RBFOX1: variants seen among roughly 807,000 people sequenced by gnomAD.
RBFOX1 encodes the protein RNA binding protein fox-1 homolog 1.
RBFOX1 carries 8 observed loss-of-function variants against 57.7 expected under a neutral mutation model. The observed-to-expected ratio is 0.14, with a 90% CI of 0.08 to 0.25. The LOEUF (loss-of-function observed/expected upper bound fraction) is 0.25. Ranked by LOEUF, RBFOX1 falls within the 10% of genes least tolerant of loss-of-function variation. RBFOX1 has a pLI of 1.00. For synonymous variants in RBFOX1, 326 were observed against 222.4 expected (o/e 1.47, Z -4.15); for missense variants, 611 against 548.5 (o/e 1.11, Z -1.14).
chr16:6,093,008 A>G (rs963303839), intron 1 of RBFOX1: 1 of 152,220 alleles, frequency 6.6e-6, no homozygotes, highest in Non-Finnish European at 1.5e-5. Flanking sequence ...CACCAAAACC[A>G]TGTGAGATGC....
chr16:6,495,958 A>C (rs2095757299), intron 2 of RBFOX1, among the ~76,000 whole-genome samples: 1 of 152,252 alleles, frequency 6.6e-6, no homozygotes, highest in East Asian at 1.9e-4. Context: ...TTATATTTCC[A>C]ACAGGCTTAT....
intron 1 of RBFOX1, among the ~76,000 whole-genome samples, chr16:5,333,587 C>T (rs1405602227): frequency 6.6e-6 from 1 of 152,198 alleles, no homozygotes; most frequent in East Asian, 1.9e-4. Context: ...AGCTTCTCTC[C>T]TGGAGGCAAG....
chr16:6,900,015 G>A (rs2068053600), intron 3 of RBFOX1, among the ~76,000 whole-genome samples: 1 of 152,146 alleles, frequency 6.6e-6, no homozygotes, highest in African/African-American at 2.4e-5. Flanking sequence ...TATAACAGGA[G>A]GATGCTCATA....
chr16:6,954,442 A>G (rs1375855688), intron 3 of RBFOX1, among the ~76,000 whole-genome samples: 1 of 152,184 alleles, frequency 6.6e-6, no homozygotes, highest in Non-Finnish European at 1.5e-5. Context: ...TTACACGACT[A>G]TAAATTGTCA....
At chr16:6,878,058 C>A (rs570371856) in intron 3 of RBFOX1, among the ~76,000 whole-genome samples, 2 of 152,172 alleles carry the variant, frequency 1.3e-5, no homozygotes, top group Non-Finnish European at 2.9e-5. Context: ...GAAAGACACA[C>A]AAGGGTAGGA....
chr16:6,414,676 T>A (rs1279344954), intron 2 of RBFOX1, among the ~76,000 whole-genome samples: 1 of 152,226 alleles, frequency 6.6e-6, no homozygotes, highest in Non-Finnish European at 1.5e-5. Flanking sequence ...GATTGTAGAC[T>A]GTGTGCCAGT....
At chr16:5,427,700 G>A (rs902174451) in intron 1 of RBFOX1, among the ~76,000 whole-genome samples, 7 of 152,194 alleles carry the variant, frequency 4.6e-5, no homozygotes, top group South Asian at 2.1e-4. Flanking sequence ...CTCAAAGGCC[G>A]TCTGCTGTAA....
In RBFOX1 at chr16:7,631,566, T is replaced by C. The variant is rs75405678; in HGVS notation, c.757+883T>C. ...TTTTATACAATGTGTGTAAATCCTG[T>C]GGAGTTGCCGTAACTGCAGAATGAG... On this transcript the variant is annotated intron_variant, in intron 11 of 15. Coordinates refer to ENST00000550418, the MANE Select transcript of RBFOX1 (RefSeq NM_018723.4). Among the ~76,000 whole-genome samples, 652 of 152,240 alleles carry C rather than the reference T, an allele frequency of 4.3e-3. 17 individuals carry two copies. Among genetic ancestry groups the C allele is most frequent in the Admixed American group, 0.033 (503 of 15,288 alleles).
chr16:6,109,891 T>A (rs2096424607), intron 1 of RBFOX1, among the ~76,000 whole-genome samples: 1 of 152,236 alleles, frequency 6.6e-6, no homozygotes, highest in Non-Finnish European at 1.5e-5. Flanking sequence ...GAAATCTTGT[T>A]GAACTGAATC....
rs2095026931 is a variant in RBFOX1, at chr16:6,019,496, C to T, written c.-623C>T. On this transcript the variant is annotated 5_prime_UTR_variant, in exon 1 of 16. Transcript: ENST00000550418. The surrounding 1 kb of genome is among the most constrained non-coding windows in gnomAD (Gnocchi z 4.2). ...ATCCCTCCCCCTCCGCCCCAGCCCC[C>T]CAGCAGCACCCGCGGTGGGGCGGGG... The T allele has an allele frequency of 9.8e-7, 1 of 1,021,108 alleles. No individual in the cohort carries two copies. Among genetic ancestry groups the T allele is most frequent in the Non-Finnish European group, 1.2e-6 (1 of 853,436 alleles). The allele number at this position is 1,021,108 out of a possible 1,614,324, so 63.3% of individuals were successfully genotyped here.
At chr16:6,967,334 C>T (rs1447872077) in intron 3 of RBFOX1, among the ~76,000 whole-genome samples, 1 of 152,118 alleles carries the variant, frequency 6.6e-6, no homozygotes, top group Non-Finnish European at 1.5e-5. Context: ...CATCCATCTA[C>T]CAGCAGTGGG....
At chr16:6,320,874 GC>G (rs1337444596) in intron 2 of RBFOX1, among the ~76,000 whole-genome samples, 3 of 152,062 alleles carry the variant, frequency 2.0e-5, no homozygotes, top group Non-Finnish European at 4.4e-5. Context: ...GCTCACTACA[GC>G]CTTCACCTCC....
At chr16:7,433,794 A>G (rs946168369) in intron 4 of RBFOX1, among the ~76,000 whole-genome samples, 19 of 152,060 alleles carry the variant, frequency 1.2e-4, no homozygotes, top group African/African-American at 4.6e-4. Flanking sequence ...AGCCAGCCAG[A>G]CAGCTAGCCA....
At chr16:6,935,164 C>G (rs192782742) in intron 3 of RBFOX1, among the ~76,000 whole-genome samples, 10 of 152,236 alleles carry the variant, frequency 6.6e-5, no homozygotes, top group African/African-American at 2.2e-4. Context: ...CCTATCTGGC[C>G]TAATTTTCCC....
chr16:6,426,228 T>C (rs777355209), intron 2 of RBFOX1, among the ~76,000 whole-genome samples: 1 of 151,194 alleles, frequency 6.6e-6, no homozygotes, highest in South Asian at 2.1e-4. Flanking sequence ...GTCTATGCAA[T>C]AGACAAACAT....
At chr16:6,818,864 C>T (rs188434831) in intron 3 of RBFOX1, among the ~76,000 whole-genome samples, 18 of 152,294 alleles carry the variant, frequency 1.2e-4, no homozygotes, top group Admixed American at 1.2e-3. Context: ...GAGATTAAAT[C>T]TCAGGAATTT....
chr16:6,615,307 T>G (rs1419744584), intron 2 of RBFOX1, among the ~76,000 whole-genome samples: 1 of 152,142 alleles, frequency 6.6e-6, no homozygotes, highest in African/African-American at 2.4e-5. Flanking sequence ...AAGATCCTCA[T>G]GCCAGTAATT....
At position 7,259,571 on chromosome 16, in the gene RBFOX1, A is replaced by G. The variant is rs142868184; in HGVS notation, c.27+207473A>G. ...AGTATAAATCTCCAATGTAAAAAAA[A>G]AAAGGATTAAGATAAAAAGTAGTTT... On this transcript the variant is annotated intron_variant, in intron 4 of 15. Transcript: ENST00000550418. Among the ~76,000 whole-genome samples, 293 of 152,284 alleles carry G rather than the reference A, an allele frequency of 1.9e-3. 3 individuals are homozygous for G. Among genetic ancestry groups the G allele is most frequent in the African/African-American group, 6.7e-3 (278 of 41,566 alleles).
intron 3 of RBFOX1, among the ~76,000 whole-genome samples, chr16:6,841,381 C>G (rs72768814): frequency 0.067 from 10,268 of 152,232 alleles, 508 homozygotes; most frequent in Non-Finnish European, 0.11. Flanking sequence ...TAGCCTCACT[C>G]ACACTAAAGA....
Sources: gnomAD v4.1 joint callset for allele counts (sites outside exome capture counted in the v4.1 genomes callset) on GRCh38, gnomAD v4.1.1 for gene constraint, Gnocchi (gnomAD v3.1) non-coding constraint, MANE v1.5 for transcripts, NCBI Gene and HGNC (gene_info 2026-07-23, HGNC 2026-07-21) for gene names.